CFAP70: variants seen among roughly 807,000 people sequenced by gnomAD.
CFAP70 encodes cilia and flagella associated protein 70.
CFAP70 carries 81 observed loss-of-function variants against 137.6 expected under a neutral mutation model. That is an observed-to-expected ratio of 0.59 (90% CI 0.49 to 0.71). The LOEUF (loss-of-function observed/expected upper bound fraction) is 0.71, where lower values mean the gene tolerates loss of function less well. Among genes scored for constraint, CFAP70 ranks in the 30% least tolerant of loss-of-function variants. The pLI is 0.00. For synonymous variants in CFAP70, 382 were observed against 423.6 expected (o/e 0.90, Z 1.20); for missense variants, 976 against 1,226.7 (o/e 0.80, Z 3.05).
rs974173241 is a variant in CFAP70 at position 73,334,528 on chromosome 10, C to T, written c.677+902G>A. Among the ~76,000 whole-genome samples, 9 of 151,748 alleles carry T rather than the reference C, an allele frequency of 5.9e-5. No homozygotes were observed. In the South Asian group the frequency reaches 8.3e-4, roughly 14 times the overall value. ...TAAGAAGGTAGAACAAAAGGAAAGA[C>T]GGAGCCTGGATACCTAATAACACTG... On this transcript the variant is annotated intron_variant, in intron 7 of 26. Coordinates refer to ENST00000310715, the Ensembl canonical transcript of CFAP70.
At chr10:73,259,456 TC>T (rs929668585) in intron 25 of CFAP70, among the ~76,000 whole-genome samples, 4 of 152,032 alleles carry the variant, frequency 2.6e-5, no homozygotes, top group Non-Finnish European at 5.9e-5. Flanking sequence ...CCCATGCCCC[TC>T]CCCCTCCTTT....
At chr10:73,341,573 A>G in exon 6 of CFAP70, 1 of 1,613,626 alleles carries the variant, frequency 6.2e-7, no homozygotes, top group Non-Finnish European at 8.5e-7. Context: ...ATAAAATGGG[A>G]TAGTCCTTCT....
At chr10:73,292,214 T>C (rs906294357) in intron 16 of CFAP70, among the ~76,000 whole-genome samples, 200 bp from the exon 18 acceptor site, 8 of 152,198 alleles carry the variant, frequency 5.3e-5, no homozygotes, top group African/African-American at 1.7e-4. Flanking sequence ...AGTATTAATA[T>C]AATTAAAAAT....
intron 6 of CFAP70, among the ~76,000 whole-genome samples, chr10:73,336,498 T>C (rs1277341909): frequency 6.6e-6 from 1 of 151,978 alleles, no homozygotes. Flanking sequence ...ATCCTCATTT[T>C]ACAAATTATT....
At chr10:73,271,085 C>T (rs1368088290) in intron 24 of CFAP70, among the ~76,000 whole-genome samples, 4 of 152,114 alleles carry the variant, frequency 2.6e-5, no homozygotes, top group Admixed American at 1.3e-4. Context: ...AACCGAGCCC[C>T]GGAGGCAGGG....
At chr10:73,346,145 C>T (rs1444697744) in intron 4 of CFAP70, among the ~76,000 whole-genome samples, 1 of 151,822 alleles carries the variant, frequency 6.6e-6, no homozygotes, top group African/African-American at 2.4e-5. Flanking sequence ...GATCCAGCCG[C>T]CTTGGCCTCC....
chr10:73,339,711 C>T (rs921761752), intron 6 of CFAP70, among the ~76,000 whole-genome samples: 3 of 152,214 alleles, frequency 2.0e-5, no homozygotes, highest in Non-Finnish European at 2.9e-5. Context: ...CAGCTCCCTG[C>T]GAGGCTGTGG....
intron 3 of CFAP70, among the ~76,000 whole-genome samples, chr10:73,350,951 GTGTGTATGTGTGTGTA>G (rs1464348212): frequency 6.6e-6 from 1 of 150,578 alleles, no homozygotes; most frequent in African/African-American, 2.4e-5. Flanking sequence ...ATGTGTGTGT[GTGTGTATGTGTGTGTA>G]TATGTATGTG....
intron 19 of CFAP70, among the ~76,000 whole-genome samples, chr10:73,285,551 G>C (rs2047621249): frequency 1.3e-5 from 2 of 151,650 alleles, no homozygotes; most frequent in Admixed American, 1.3e-4. Context: ...ATATACCAGA[G>C]AGCTAACCAG....
intron 8 of CFAP70, among the ~76,000 whole-genome samples, chr10:73,329,423 C>T (rs1381004552): frequency 3.3e-5 from 5 of 151,778 alleles, no homozygotes; most frequent in African/African-American, 7.3e-5. Flanking sequence ...CACACCAGCA[C>T]GGCACATGCA....
chr10:73,298,004 C>T (rs1355061553), intron 14 of CFAP70, among the ~76,000 whole-genome samples: 1 of 152,174 alleles, frequency 6.6e-6, no homozygotes, highest in Non-Finnish European at 1.5e-5. Context: ...TTGTTTTTCA[C>T]TCTATGACTT....
rs182804799 is a variant in CFAP70, at chr10:73,278,184, T to G, written c.2393A>C (p.Lys798Thr). Reference sequence around the variant, plus strand: ...AAATCTTTATTTCTAGTTACCTTTCTTTGTTGGTATCTCCTTGATAAATGT... The same window carrying G: ...AAATCTTTATTTCTAGTTACCTTTCGTTGTTGGTATCTCCTTGATAAATGT... The change falls in exon 20 of 27, where the codon AAG becomes ACG. Residue 798 changes from lysine to threonine, a missense_variant. Coordinates refer to ENST00000310715, the Ensembl canonical transcript of CFAP70. The G allele has an allele frequency of 1.3e-5, 21 of 1,613,348 alleles. 1 individual carries two copies. The Admixed American group carries it at 2.5e-4, about 19-fold the overall frequency.
chr10:73,259,960 G>A (rs983606932), intron 25 of CFAP70, among the ~76,000 whole-genome samples: 10 of 151,852 alleles, frequency 6.6e-5, no homozygotes, highest in East Asian at 1.9e-4. Context: ...CTAGAAGGTC[G>A]AGGCAGCAAG....
intron 5 of CFAP70, among the ~76,000 whole-genome samples, chr10:73,341,787 T>C (rs1383944666): frequency 6.6e-6 from 1 of 152,274 alleles, no homozygotes; most frequent in East Asian, 1.9e-4. Context: ...TTGATAATAA[T>C]GCAAATTATT....
chr10:73,301,816 C>T (rs2132005252), intron 12 of CFAP70, among the ~76,000 whole-genome samples: 1 of 152,188 alleles, frequency 6.6e-6, no homozygotes, highest in Middle Eastern at 3.4e-3. Flanking sequence ...CACAACAAAG[C>T]TTGAGGGAGG....
rs1457404901 is a variant in CFAP70 at position 73,293,393 on chromosome 10, T to A, written c.1645-5A>T. 1.9e-6 allele frequency: 3 copies of A among 1,585,586 alleles called. No homozygotes were observed. The African/African-American group carries it at 4.1e-5, about 21-fold the overall frequency. ...TTGGACATCATCTGGCATGGTCTTG[T>A]CAATGTCAAGATGTTAGGTAGACAA... On this transcript the variant is annotated splice_polypyrimidine_tract_variant and splice_region_variant and intron_variant, in intron 15 of 26. Coordinates refer to ENST00000310715, the Ensembl canonical transcript of CFAP70.
exon 4 of CFAP70, chr10:73,348,450 C>T: frequency 6.4e-7 from 1 of 1,567,180 alleles, no homozygotes; most frequent in Non-Finnish European, 8.6e-7. Flanking sequence ...AGGTCCACCA[C>T]AGCCTGACCA....
At chr10:73,357,769 A>C (rs948087672) in intron 1 of CFAP70, among the ~76,000 whole-genome samples, 7 of 152,110 alleles carry the variant, frequency 4.6e-5, no homozygotes, top group African/African-American at 1.7e-4. Flanking sequence ...TTCCCCCTGG[A>C]ATTATCTCTC....
At chr10:73,335,100 T>C (rs545508983) in intron 7 of CFAP70, among the ~76,000 whole-genome samples, 1 of 150,784 alleles carries the variant, frequency 6.6e-6, no homozygotes, top group Non-Finnish European at 1.5e-5. Context: ...GGTCTTACTT[T>C]GTTGCCCAGG....
Sources: allele counts gnomAD v4.1 joint callset (sites outside exome capture counted in the v4.1 genomes callset), GRCh38; gene constraint gnomAD v4.1.1; transcripts MANE v1.5; gene names NCBI Gene and HGNC (gene_info 2026-07-23, HGNC 2026-07-21).